Variants in CCDC102B observed in about 807,000 individuals in gnomAD.
The protein encoded by CCDC102B is coiled-coil domain containing 102B.
CCDC102B carries 75 observed loss-of-function variants against 57.4 expected under a neutral mutation model. The ratio of observed to expected loss-of-function variants is 1.31; its 90% confidence interval spans 1.08 to 1.58. The LOEUF is 1.58. Ranked by LOEUF, CCDC102B falls within the 40% of genes most tolerant of loss-of-function variation. The pLI, the probability that CCDC102B is intolerant of heterozygous loss-of-function variation, is 0.00. For synonymous variants in CCDC102B, 206 were observed against 201.9 expected (o/e 1.02, Z -0.17); for missense variants, 636 against 582.6 (o/e 1.09, Z -0.94).
intron 2 of CCDC102B, among the ~76,000 whole-genome samples, chr18:68,760,917 C>T (rs1427873146): frequency 1.3e-5 from 2 of 151,926 alleles, no homozygotes; most frequent in African/African-American, 4.8e-5. Flanking sequence ...GGAGTAAGAG[C>T]CTCTTAAGTT....
intron 4 of CCDC102B, among the ~76,000 whole-genome samples, chr18:68,850,656 T>C (rs2038081651): frequency 6.6e-6 from 1 of 152,116 alleles, no homozygotes; most frequent in African/African-American, 2.4e-5. Flanking sequence ...GTACCATTCA[T>C]CATGGCCTAC....
chr18:68,720,109 G>C (rs2032242914), intron 2 of CCDC102B, among the ~76,000 whole-genome samples: 1 of 152,116 alleles, frequency 6.6e-6, no homozygotes, highest in Admixed American at 6.5e-5. Flanking sequence ...TGGAATAAAA[G>C]GAATTTATAT....
chr18:68,889,886 T>A (rs1361397331), intron 5 of CCDC102B, among the ~76,000 whole-genome samples: 1 of 152,212 alleles, frequency 6.6e-6, no homozygotes, highest in East Asian at 1.9e-4. Flanking sequence ...ACTGTTCCTA[T>A]AGTATTTTGC....
intron 2 of CCDC102B, among the ~76,000 whole-genome samples, chr18:68,775,734 A>T (rs764897253): frequency 2.0e-5 from 3 of 148,882 alleles, no homozygotes; most frequent in Non-Finnish European, 4.4e-5. Flanking sequence ...GCTCACTGCA[A>T]CCTCTCCCTC....
In CCDC102B at chr18:68,897,586, A is replaced by G. The variant is rs754800411; in HGVS notation, c.1263+158A>G. 3 of 1,577,740 alleles carry G rather than the reference A, an allele frequency of 1.9e-6. No homozygotes were observed. The South Asian group carries it at 3.3e-5, about 18-fold the overall frequency. ...GCTCTTTTGCCCACTAGGATGTAAA[A>G]TAACGTTCATGCATCTGAAACAAAG... On this transcript the variant is annotated intron_variant, in intron 6 of 7. Transcript: ENST00000360242.
intron 4 of CCDC102B, among the ~76,000 whole-genome samples, chr18:68,855,394 G>C (rs548408709): frequency 6.6e-6 from 1 of 152,284 alleles, no homozygotes; most frequent in Admixed American, 6.5e-5. Context: ...TTAAAATTTA[G>C]TTAGAAGGCA....
At chr18:68,841,563 C>A (rs2037631765) in intron 3 of CCDC102B, among the ~76,000 whole-genome samples, 1 of 152,042 alleles carries the variant, frequency 6.6e-6, no homozygotes, top group Admixed American at 6.6e-5. Flanking sequence ...TTGGCAATAC[C>A]AAATCTCAAG....
intron 2 of CCDC102B, among the ~76,000 whole-genome samples, chr18:68,746,696 C>T (rs564744344): frequency 1.4e-4 from 22 of 151,820 alleles, no homozygotes; most frequent in Middle Eastern, 3.4e-3. Flanking sequence ...TCTTTCTTTT[C>T]GTCCCACGGA....
chr18:69,013,400 A>G (rs2051574055), intron 7 of CCDC102B, among the ~76,000 whole-genome samples: 1 of 152,200 alleles, frequency 6.6e-6, no homozygotes, highest in South Asian at 2.1e-4. Context: ...AGGGTAAATG[A>G]TAAGAAATTA....
At chr18:68,752,479 G>GAA (rs72175132) in intron 2 of CCDC102B, among the ~76,000 whole-genome samples, 13 of 137,732 alleles carry the variant, frequency 9.4e-5, no homozygotes, top group African/African-American at 3.2e-4. Context: ...GAAAATGTCT[G>GAA]AAAAAAAAAA....
Position 69,054,217 on chromosome 18 carries a change from T to C in CCDC102B, c.*80T>C, listed in dbSNP as rs2052776608. The C allele has an allele frequency of 7.0e-7, 1 of 1,427,604 alleles. No individual in the cohort carries two copies. Among genetic ancestry groups the C allele is most frequent in the Non-Finnish European group, 9.2e-7 (1 of 1,092,536 alleles). 88.4% of individuals were successfully genotyped at this position (1,427,604 alleles called of 1,614,324 possible). On this transcript the variant is annotated 3_prime_UTR_variant, in exon 8 of 8. Transcript: ENST00000360242. The stretch of plus-strand genomic sequence containing the variant: ...TCCTTTTCTTAAATATCAGTAAAAT[T>C]GTTTTTATTAACTAGAAATATTAAT...
intron 4 of CCDC102B, among the ~76,000 whole-genome samples, chr18:68,853,672 TAAAAAAAAAAAAAAAA>T (rs71175201): frequency 1.4e-3 from 129 of 94,634 alleles, no homozygotes; most frequent in East Asian, 6.0e-3. Context: ...CCCCAAATTG[TAAAAAAAAAAAAAAAA>T]AAAAAAAAAA....
intron 2 of CCDC102B, among the ~76,000 whole-genome samples, chr18:68,783,675 G>A (rs2035083235): frequency 6.6e-6 from 1 of 152,124 alleles, no homozygotes; most frequent in Non-Finnish European, 1.5e-5. Flanking sequence ...CCTGTCATCA[G>A]TTCCCATATA....
At chr18:68,930,679 T>C (rs2041640081) in intron 6 of CCDC102B, among the ~76,000 whole-genome samples, 1 of 151,916 alleles carries the variant, frequency 6.6e-6, no homozygotes. Flanking sequence ...ACTGAGAAAT[T>C]GTGTAAATGT....
intron 4 of CCDC102B, among the ~76,000 whole-genome samples, chr18:68,847,922 T>A (rs572242555): frequency 7.9e-5 from 12 of 151,870 alleles, no homozygotes; most frequent in South Asian, 4.1e-4. Context: ...GGAAATTTTT[T>A]AAAAATATGT....
chr18:68,931,412 C>T (rs1319997238), intron 6 of CCDC102B, among the ~76,000 whole-genome samples: 6 of 151,666 alleles, frequency 4.0e-5, no homozygotes, highest in Non-Finnish European at 5.9e-5. Flanking sequence ...TGGACCAACA[C>T]CTTCCATGTT....
At chr18:68,838,388 A>G (rs767504669) in intron 2 of CCDC102B, 29 of 983,212 alleles carry the variant, frequency 2.9e-5, no homozygotes, top group Non-Finnish European at 3.4e-5. Flanking sequence ...GAATTCATCA[A>G]CTCATTAAAA....
chr18:69,024,118 A>G (rs1054637698), intron 7 of CCDC102B, among the ~76,000 whole-genome samples: 3 of 152,090 alleles, frequency 2.0e-5, no homozygotes, highest in African/African-American at 7.2e-5. Context: ...CTTTGGAGGT[A>G]TTAAAGTTAT....
Position 68,772,143 on chromosome 18 carries a change from T to C in CCDC102B, c.-66-51223T>C, listed in dbSNP as rs75325229. On this transcript the variant is annotated intron_variant, in intron 2 of 3. Coordinates refer to the CCDC102B transcript ENST00000578970. ...TCCCATGATGACAAAGATCCAAAAG[T>C]TCTCAACCCCAAATTTGAACACCTT... 4.6e-3 allele frequency among the ~76,000 whole-genome samples: 705 copies of C among 152,230 alleles called. 2 individuals are homozygous for C. The highest frequency in any genetic ancestry group is 7.2e-3 in the Non-Finnish European group (488 of 68,014).
Sources: allele counts gnomAD v4.1 joint callset (sites outside exome capture counted in the v4.1 genomes callset), GRCh38; gene constraint gnomAD v4.1.1; transcripts MANE v1.5; gene names NCBI Gene and HGNC (gene_info 2026-07-23, HGNC 2026-07-21).